Variants in DERA observed in about 807,000 individuals in gnomAD.
DERA encodes the protein deoxyribose-phosphate aldolase.
A neutral mutation model predicts 41.1 loss-of-function variants in DERA; 15 were observed. That is an observed-to-expected ratio of 0.37 (90% CI 0.24 to 0.56). DERA has a LOEUF of 0.56. Ranked by LOEUF, DERA falls within the 20% of genes least tolerant of loss-of-function variation. DERA has a pLI of 0.81. For synonymous variants in DERA, 139 were observed against 137.4 expected (o/e 1.01, Z -0.08); for missense variants, 396 against 403.4 (o/e 0.98, Z 0.16).
chr12:16,036,915 G>T lies in DERA; in HGVS notation c.*169G>T. On this transcript the variant is annotated 3_prime_UTR_variant, in exon 9 of 9. Coordinates refer to ENST00000428559, the MANE Select transcript of DERA (RefSeq NM_015954.4). The surrounding 1 kb of genome is among the most constrained non-coding windows in gnomAD (Gnocchi z 4.9). ...ATGGAAAAAGCAAACTCATCCACATGTGGTACTCATTTCAGGCACATCTGA... is the reference window on the plus strand; with the variant it reads ...ATGGAAAAAGCAAACTCATCCACATTTGGTACTCATTTCAGGCACATCTGA... 1 of 594,398 alleles carries T rather than the reference G, an allele frequency of 1.7e-6. No homozygotes were observed. Among genetic ancestry groups the T allele is most frequent in the South Asian group, 2.2e-5 (1 of 45,464 alleles). The allele number at this position is 594,398 out of a possible 1,614,324, so 36.8% of individuals were successfully genotyped here. A position where few individuals can be genotyped will look rare whatever the true frequency, so the allele number is the denominator to read the frequency against.
intron 1 of DERA, among the ~76,000 whole-genome samples, chr12:15,944,243 C>T (rs1467455548): frequency 6.6e-6 from 1 of 152,016 alleles, no homozygotes; most frequent in Non-Finnish European, 1.5e-5. Context: ...GGTATATATC[C>T]AGTAATGGGA....
rs1333253602 is a variant in DERA, at chr12:15,948,384, T to C, written c.32-8552T>C. Among the ~76,000 whole-genome samples the C allele has an allele frequency of 2.6e-5, 4 of 152,202 alleles. No homozygotes were observed. The East Asian group carries it at 7.7e-4, about 29-fold the overall frequency. On this transcript the variant is annotated intron_variant, in intron 1 of 8. Transcript: ENST00000428559. ...TCTTTTCACATAGTCCCATATTTCTTGGAGGCTTTGTTTGTTTCTTTTTAC... is the reference window on the plus strand; with the variant it reads ...TCTTTTCACATAGTCCCATATTTCTCGGAGGCTTTGTTTGTTTCTTTTTAC...
chr12:15,979,870 G>GGTA (rs2136160720), intron 5 of DERA, among the ~76,000 whole-genome samples: 1 of 152,320 alleles, frequency 6.6e-6, no homozygotes, highest in South Asian at 2.1e-4. Context: ...GGCATCAGAA[G>GGTA]GTAGTACTCT....
intron 1 of DERA, among the ~76,000 whole-genome samples, chr12:15,948,597 G>A (rs747811402): frequency 3.3e-5 from 5 of 152,096 alleles, no homozygotes; most frequent in East Asian, 1.9e-4. Context: ...TTAGCAATTC[G>A]TCTAATCTTT....
chr12:15,937,899 T>C (rs1175381808), intron 1 of DERA, among the ~76,000 whole-genome samples: 1 of 152,258 alleles, frequency 6.6e-6, no homozygotes, highest in Non-Finnish European at 1.5e-5. Flanking sequence ...TCATCAAATA[T>C]TTGTAGAACA....
At position 15,972,489 on chromosome 12, in the gene DERA, C is replaced by A; in HGVS notation, c.508+9542C>A. 6.5e-6 allele frequency: 1 copy of A among 153,160 alleles called. No homozygotes were observed. The highest frequency in any genetic ancestry group is 1.9e-4 in the South Asian group (1 of 5,196). 9.5% of individuals were successfully genotyped at this position (153,160 alleles called of 1,614,324 possible). On this transcript the variant is annotated intron_variant, in intron 5 of 8. Transcript: ENST00000428559. This position sits in a 1 kb window ranked among gnomAD's most constrained non-coding sequence, Gnocchi z 4.4. ...TTAATGTGCTCCTGGATGCAGTTGT[C>A]CACCACCTCCTTGCCCAGGAAGTTT...
rs919115551 is a variant in DERA at position 15,998,874 on chromosome 12, A to G, written c.637+16438A>G. On this transcript the variant is annotated intron_variant, in intron 6 of 8. Coordinates refer to ENST00000428559, the MANE Select transcript of DERA (RefSeq NM_015954.4). The surrounding 1 kb of genome is among the most constrained non-coding windows in gnomAD (Gnocchi z 4.8). ...GAATAACTGAAATGTAGCCTGTGTC[A>G]GTTGCACTATAGGTCCTAACCAACG... is the stretch of plus-strand genomic sequence containing the variant. Among the ~76,000 whole-genome samples, 1 of 152,184 alleles carries G rather than the reference A, an allele frequency of 6.6e-6. No homozygotes were observed. Among genetic ancestry groups the G allele is most frequent in the Non-Finnish European group, 1.5e-5 (1 of 68,032 alleles).
rs775272940 is a variant in DERA at position 15,962,855 on chromosome 12, G to A, written c.416G>A (p.Arg139Gln). Residue 139 changes from arginine (R) to glutamine (Q), a missense_variant, in exon 5 of 9, where the codon CGA (arginine) becomes CAA (glutamine). Transcript: ENST00000428559. ...FPAGQTHLKT[R>Q]LEEIRLAVED... The stretch of plus-strand genomic sequence containing the variant: ...GCTGGACAGACTCATTTGAAGACAC[G>A]ATTAGAAGAGATCAGATTGGCTGTG... The A allele has an allele frequency of 1.0e-5, 16 of 1,565,632 alleles. No homozygotes were observed. Among genetic ancestry groups the A allele is most frequent in the Non-Finnish European group, 1.3e-5 (15 of 1,153,874 alleles).
Position 15,985,325 on chromosome 12 carries a change from G to C in DERA, c.637+2889G>C, listed in dbSNP as rs1050937125. 6.6e-6 allele frequency: 1 copy of C among 152,132 alleles called. No individual in the cohort carries two copies. 9.4% of individuals were successfully genotyped at this position (152,132 alleles called of 1,614,324 possible). On this transcript the variant is annotated intron_variant, in intron 6 of 8. Transcript: ENST00000428559. The surrounding 1 kb of genome is among the most constrained non-coding windows in gnomAD (Gnocchi z 4.2). ...GAGATCTTAAGGAGTTTGCCTAGAA[G>C]TATTTCACTGTGTAAGTATACTGAG...
rs1005550812 is a variant in DERA, at chr12:15,982,553, G to C, written c.637+117G>C. 4.7e-6 allele frequency: 5 copies of C among 1,056,904 alleles called. No individual in the cohort carries two copies. Among genetic ancestry groups the C allele is most frequent in the Non-Finnish European group, 6.8e-6 (5 of 740,264 alleles). The allele number at this position is 1,056,904 out of a possible 1,614,324, so 65.5% of individuals were successfully genotyped here. On this transcript the variant is annotated intron_variant, in intron 6 of 8. Transcript: ENST00000428559. The surrounding 1 kb of genome is among the most constrained non-coding windows in gnomAD (Gnocchi z 4.0). The stretch of plus-strand genomic sequence containing the variant: ...TGCTAACCACTTGGAATTTTTTTGC[G>C]GGAGGAATCGGATATTTTGTAAAAA...
At position 16,008,043 on chromosome 12, in the gene DERA, G is replaced by C. The variant is rs1948924599; in HGVS notation, c.638-24499G>C. Among the ~76,000 whole-genome samples, 1 of 152,144 alleles carries C rather than the reference G, an allele frequency of 6.6e-6. No individual in the cohort carries two copies. The highest frequency in any genetic ancestry group is 2.4e-5 in the African/African-American group (1 of 41,450). On this transcript the variant is annotated intron_variant, in intron 6 of 8. Transcript: ENST00000428559. The surrounding 1 kb of genome is among the most constrained non-coding windows in gnomAD (Gnocchi z 4.8). Reference sequence around the variant, plus strand: ...AATTTTTGTATTTTTAGTAGAGACAGAGTTTTGCCCTGTTGGCCTGGCTGG... The same window carrying C: ...AATTTTTGTATTTTTAGTAGAGACACAGTTTTGCCCTGTTGGCCTGGCTGG...
intron 5 of DERA, among the ~76,000 whole-genome samples, chr12:15,963,515 C>G (rs1297046242): frequency 6.6e-6 from 1 of 152,116 alleles, no homozygotes; most frequent in East Asian, 1.9e-4. Context: ...CCCTTTCCAG[C>G]AACAAGCTTT....
At chr12:16,007,244 C>T (rs1306110208) in intron 6 of DERA, among the ~76,000 whole-genome samples, 8 of 145,402 alleles carry the variant, frequency 5.5e-5, no homozygotes, top group African/African-American at 1.3e-4. Flanking sequence ...AGCGCAGTGG[C>T]GCGATCTTGG....
At position 15,936,046 on chromosome 12, in the gene DERA, A is replaced by T. The variant is rs1266072494; in HGVS notation, c.32-20890A>T. Among the ~76,000 whole-genome samples the T allele has an allele frequency of 1.3e-5, 2 of 152,190 alleles. No individual in the cohort carries two copies. The highest frequency in any genetic ancestry group is 4.8e-5 in the African/African-American group (2 of 41,452). ...AGGGTTGCTTGAGTATCCTTATGAC[A>T]TGGCAGCTGGCTTCTCGAGTGATCC... On this transcript the variant is annotated intron_variant, in intron 1 of 8. Coordinates refer to ENST00000428559, the MANE Select transcript of DERA (RefSeq NM_015954.4). This position sits in a 1 kb window ranked among gnomAD's most constrained non-coding sequence, Gnocchi z 4.6.
At position 16,011,347 on chromosome 12, in the gene DERA, G is replaced by A. The variant is rs140851841; in HGVS notation, c.638-21195G>A. 3.3e-4 allele frequency among the ~76,000 whole-genome samples: 50 copies of A among 152,186 alleles called. 1 individual carries two copies. In the East Asian group the frequency reaches 9.1e-3, roughly 28 times the overall value. On this transcript the variant is annotated intron_variant, in intron 6 of 8. Transcript: ENST00000428559. This position sits in a 1 kb window ranked among gnomAD's most constrained non-coding sequence, Gnocchi z 4.7. ...AAATGCTTGGAACCAGAAGTGTTTT[G>A]GATTTTGGATTTTTTCAGATTTCGG...
chr12:15,943,435 G>T lies in DERA; in HGVS notation c.32-13501G>T, dbSNP rs887653046. 1.3e-5 allele frequency among the ~76,000 whole-genome samples: 2 copies of T among 152,170 alleles called. No homozygotes were observed. Among genetic ancestry groups the T allele is most frequent in the African/African-American group, 4.8e-5 (2 of 41,424 alleles). On this transcript the variant is annotated intron_variant, in intron 1 of 8. Transcript: ENST00000428559. The surrounding 1 kb of genome is among the most constrained non-coding windows in gnomAD (Gnocchi z 4.5). ...AGGGGTTATTTAAAAATGTAAATCA[G>T]ATCATTTCAGCCCTTGCTGAAAATT...
chr12:16,002,268 T>C (rs1351729791), intron 6 of DERA, among the ~76,000 whole-genome samples: 2 of 152,062 alleles, frequency 1.3e-5, no homozygotes, highest in African/African-American at 4.8e-5. Flanking sequence ...GTTAAGGTTA[T>C]TCTAAACTCT....
Position 16,019,623 on chromosome 12 carries a change from G to A in DERA, c.638-12919G>A, listed in dbSNP as rs770697405. 3.3e-5 allele frequency among the ~76,000 whole-genome samples: 5 copies of A among 152,104 alleles called. No homozygotes were observed. The highest frequency in any genetic ancestry group is 1.9e-4 in the East Asian group (1 of 5,178). On this transcript the variant is annotated intron_variant, in intron 6 of 8. Coordinates refer to ENST00000428559, the MANE Select transcript of DERA (RefSeq NM_015954.4). This position sits in a 1 kb window ranked among gnomAD's most constrained non-coding sequence, Gnocchi z 4.4. ...ATGCCATATACTTTCTTTGCTTTTG[G>A]TGTTTCTTTTTATGGTGGTGTTCTT...
In DERA at chr12:15,962,433, C is replaced by T. The variant is rs1331239554; in HGVS notation, c.374-380C>T. ...ACTTGATCAAGATTTGGACCCAGAA[C>T]TAGTGTGCTAGATAACTAGTGTTCA... On this transcript the variant is annotated intron_variant, in intron 4 of 8. Transcript: ENST00000428559. Among the ~76,000 whole-genome samples the T allele has an allele frequency of 2.0e-5, 3 of 152,180 alleles. No individual in the cohort carries two copies. In the South Asian group the frequency reaches 6.2e-4, roughly 32 times the overall value.
Sources: allele counts gnomAD v4.1 joint callset (sites outside exome capture counted in the v4.1 genomes callset), GRCh38; gene constraint gnomAD v4.1.1; non-coding constraint Gnocchi (gnomAD v3.1); transcripts MANE v1.5; gene names NCBI Gene and HGNC (gene_info 2026-07-23, HGNC 2026-07-21).